The following HERC1 variants were observed in gnomAD, a reference collection of about 807,000 sequenced individuals.
HERC1 encodes probable E3 ubiquitin-protein ligase HERC1.
A neutral mutation model predicts 554.3 loss-of-function variants in HERC1; 160 were observed. The ratio of observed to expected loss-of-function variants is 0.29; its 90% confidence interval spans 0.25 to 0.33. HERC1 has a LOEUF of 0.33. HERC1 is among the 10% of genes least tolerant of loss of function. HERC1 has a pLI of 1.00. For missense variants in HERC1, 4,919 were observed against 5,918.5 expected (o/e 0.83, Z 5.54); for synonymous variants, 2,175 against 2,131.7 (o/e 1.02, Z -0.56).
intron 1 of HERC1, among the ~76,000 whole-genome samples, chr15:63,814,086 A>C (rs1427342798): frequency 2.0e-5 from 3 of 152,144 alleles, no homozygotes; most frequent in Non-Finnish European, 4.4e-5. Context: ...ACAACAACAA[A>C]AAAAGAGTAC....
At chr15:63,827,617 G>T (rs1262810972) in intron 1 of HERC1, among the ~76,000 whole-genome samples, 1 of 152,004 alleles carries the variant, frequency 6.6e-6, no homozygotes, top group African/African-American at 2.4e-5. Flanking sequence ...GTAATCATAT[G>T]ACCCAGCAAT....
chr15:63,826,250 G>T (rs1325413261), intron 1 of HERC1, among the ~76,000 whole-genome samples: 2 of 152,146 alleles, frequency 1.3e-5, no homozygotes, highest in Middle Eastern at 3.4e-3. Flanking sequence ...TGTTGTCTTG[G>T]TTTTTTGGCA....
chr15:63,730,814 G>A (rs1199881574), intron 14 of HERC1, among the ~76,000 whole-genome samples: 1 of 152,202 alleles, frequency 6.6e-6, no homozygotes, highest in Non-Finnish European at 1.5e-5. Flanking sequence ...TTCTTTGAAT[G>A]ATTCCTATAA....
intron 44 of HERC1, among the ~76,000 whole-genome samples, chr15:63,662,563 C>T (rs1393107773): frequency 1.3e-5 from 2 of 152,128 alleles, no homozygotes; most frequent in South Asian, 4.1e-4. Context: ...TCTAGGTGAG[C>T]ACTGGTTCCT....
In HERC1 at chr15:63,644,894, G is replaced by T. The variant is rs905500286; in HGVS notation, c.11184+98C>A. 2.6e-5 allele frequency: 22 copies of T among 847,054 alleles called. No individual in the cohort carries two copies. The Middle Eastern group carries it at 6.7e-4, about 26-fold the overall frequency. 52.5% of individuals were successfully genotyped at this position (847,054 alleles called of 1,614,324 possible). A position where few individuals can be genotyped will look rare whatever the true frequency, so the allele number is the denominator to read the frequency against. On this transcript the variant is annotated intron_variant, in intron 57 of 77. Transcript: ENST00000443617. ...TTTCCCAATGGATCTTGCCCTTTGG[G>T]ATATAGTAATGACTTTTTTAGTAAC...
chr15:63,641,510 C>T lies in HERC1; in HGVS notation c.11567G>A (p.Arg3856Gln), dbSNP rs375549428. The change falls in exon 60 of 78, where the codon CGG becomes CAG. Residue 3856 changes from arginine (R) to glutamine (Q), a missense_variant. Physicochemically the swap from Arg to Gln is conservative, Grantham distance 43 (BLOSUM62 1). This residue lies in a region of HERC1 where 1,963 missense variants were observed against 2,228.6 expected (regional missense o/e 0.88). Coordinates refer to ENST00000443617, the MANE Select transcript of HERC1 (RefSeq NM_003922.4). The part of the protein sequence containing the change: ...MAPCMRAFLE[R>Q]LPMMLQEQYA... ...CTGCTCCTGAAGCATCATGGGGAGC[C>T]GCTCCAAAAATGCTCTCATGCAGGG... 6.2e-6 allele frequency: 10 copies of T among 1,613,436 alleles called. No individual in the cohort carries two copies. The highest frequency in any genetic ancestry group is 2.2e-5 in the East Asian group (1 of 44,856).
chr15:63,632,651 G>T, intron 68 of HERC1, 58 bp downstream of exon 68: 1 of 1,132,194 alleles, frequency 8.8e-7, no homozygotes, highest in Non-Finnish European at 1.3e-6. Flanking sequence ...CTGTAACACT[G>T]GAAGGCCAAT....
intron 1 of HERC1, among the ~76,000 whole-genome samples, chr15:63,785,098 A>T (rs2076398938): frequency 6.6e-6 from 1 of 152,200 alleles, no homozygotes; most frequent in South Asian, 2.1e-4. Context: ...TCAAATAAAT[A>T]TATAAAGACT....
chr15:63,794,085 C>G (rs2076735991), intron 1 of HERC1, among the ~76,000 whole-genome samples: 1 of 152,174 alleles, frequency 6.6e-6, no homozygotes, highest in African/African-American at 2.4e-5. Context: ...ATGGCACTGT[C>G]AGGAAGTCAC....
chr15:63,655,814 G>A lies in HERC1; in HGVS notation c.10012C>T (p.Leu3338Phe), dbSNP rs2070001627. 1 of 1,592,826 alleles carries A rather than the reference G, an allele frequency of 6.3e-7. No individual in the cohort carries two copies. The highest frequency in any genetic ancestry group is 8.6e-7 in the Non-Finnish European group (1 of 1,168,716). ...TSPNFVVTQA[L>F]VALLADKGAK... ...CCTTTGTCTGCTAGCAATGCCACAA[G>A]GGCCTGTGTTACAACAAAGTTTGGG... Residue 3338 changes from leucine (L) to phenylalanine (F), a missense_variant, in exon 50 of 78, where the codon CTT becomes TTT. This residue lies in a region of HERC1 where 1,963 missense variants were observed against 2,228.6 expected (regional missense o/e 0.88). Transcript: ENST00000443617.
At position 63,616,859 on chromosome 15, in the gene HERC1, T is replaced by C. The variant is rs578071057; in HGVS notation, c.13689-177A>G. 28 of 605,994 alleles carry C rather than the reference T, an allele frequency of 4.6e-5. No individual in the cohort carries two copies. The African/African-American group carries it at 4.8e-4, about 10-fold the overall frequency. 37.5% of individuals were successfully genotyped at this position (605,994 alleles called of 1,614,324 possible). A position where few individuals can be genotyped will look rare whatever the true frequency, so the allele number is the denominator to read the frequency against. The stretch of plus-strand genomic sequence containing the variant: ...AAATTCAGTTCTTCGGCTTCCCTAA[T>C]CACACGTTGAGTTCTCAAAAGCCAC... On this transcript the variant is annotated intron_variant, in intron 74 of 77. Coordinates refer to ENST00000443617, the MANE Select transcript of HERC1 (RefSeq NM_003922.4).
intron 53 of HERC1, among the ~76,000 whole-genome samples, 167 bp from the exon 54 acceptor site, chr15:63,650,092 T>C (rs2069589034): frequency 6.6e-6 from 1 of 152,138 alleles, no homozygotes; most frequent in Admixed American, 6.5e-5. Flanking sequence ...TTTATAATAC[T>C]ATATATGATC....
chr15:63,624,368 G>A, intron 71 of HERC1, 41 bp from the exon 72 acceptor site: 1 of 1,507,142 alleles, frequency 6.6e-7, no homozygotes, highest in Non-Finnish European at 9.0e-7. Flanking sequence ...GTACAATCTA[G>A]GCTTAAAAGA....
chr15:63,776,598 G>C (rs1048078503), intron 1 of HERC1, among the ~76,000 whole-genome samples: 3 of 152,192 alleles, frequency 2.0e-5, no homozygotes, highest in African/African-American at 7.2e-5. Flanking sequence ...TGACTGTGAG[G>C]AGCATGAGGA....
At chr15:63,760,809 G>T (rs1251471071) in intron 3 of HERC1, among the ~76,000 whole-genome samples, 1 of 151,922 alleles carries the variant, frequency 6.6e-6, no homozygotes, top group Non-Finnish European at 1.5e-5. Flanking sequence ...AAAAAGATTT[G>T]AAACTACATA....
At chr15:63,810,444 T>G (rs939952414) in intron 1 of HERC1, among the ~76,000 whole-genome samples, 1 of 152,044 alleles carries the variant, frequency 6.6e-6, no homozygotes, top group African/African-American at 2.4e-5. Context: ...AGGGGCTATA[T>G]ATATGAATGC....
At position 63,655,781 on chromosome 15, in the gene HERC1, G is replaced by A; in HGVS notation, c.10045C>T (p.Leu3349=). ...VALLADKGAK[L]RPNYDKSEVE... is the part of the protein sequence containing the mutation. The stretch of plus-strand genomic sequence containing the variant: ...TCTGACTTATCATAGTTAGGTCTTA[G>A]TTTGGCCCCTTTGTCTGCTAGCAAT... The change falls in exon 50 of 78, where the codon CTA becomes TTA. Residue 3349 remains leucine (L), a synonymous_variant. Coordinates refer to ENST00000443617, the MANE Select transcript of HERC1 (RefSeq NM_003922.4). 1 of 1,570,784 alleles carries A rather than the reference G, an allele frequency of 6.4e-7. No individual in the cohort carries two copies. The highest frequency in any genetic ancestry group is 8.6e-7 in the Non-Finnish European group (1 of 1,156,394).
At chr15:63,703,037 G>T (rs1026531169) in intron 25 of HERC1, among the ~76,000 whole-genome samples, 8 of 150,868 alleles carry the variant, frequency 5.3e-5, no homozygotes, top group Non-Finnish European at 1.0e-4. Context: ...AGGGACCCGT[G>T]AGGAGGAGGT....
chr15:63,668,132 GAAC>G (rs1344696431), intron 40 of HERC1, among the ~76,000 whole-genome samples: 1 of 151,754 alleles, frequency 6.6e-6, no homozygotes, highest in Non-Finnish European at 1.5e-5. Context: ...ATTCAAAAGA[GAAC>G]AAAAAACAGG....
Sources: allele counts gnomAD v4.1 joint callset (sites outside exome capture counted in the v4.1 genomes callset), GRCh38; gene constraint gnomAD v4.1.1; regional missense constraint gnomAD v4.1.1; transcripts MANE v1.5; gene names NCBI Gene and HGNC (gene_info 2026-07-23, HGNC 2026-07-21).